GPA33: variants seen among roughly 807,000 people sequenced by gnomAD.
GPA33 encodes the protein glycoprotein A33, also known as cell surface A33 antigen.
A neutral mutation model predicts 35.6 loss-of-function variants in GPA33; 27 were observed. The observed-to-expected ratio is 0.76, with a 90% CI of 0.56 to 1.04. The LOEUF (loss-of-function observed/expected upper bound fraction) is 1.04, where lower values mean the gene tolerates loss of function less well. GPA33 is among the 50% of genes least tolerant of loss of function. The pLI, the probability that GPA33 is intolerant of heterozygous loss-of-function variation, is 0.00. For synonymous variants in GPA33, 176 were observed against 164.0 expected (o/e 1.07, Z -0.56); for missense variants, 428 against 411.9 (o/e 1.04, Z -0.34).
intron 1 of GPA33, among the ~76,000 whole-genome samples, chr1:167,087,317 GT>G (rs1667072730): frequency 6.6e-6 from 1 of 152,140 alleles, no homozygotes; most frequent in Non-Finnish European, 1.5e-5. Context: ...CATTTATTGA[GT>G]TGTTATTATG....
chr1:167,073,386 G>T lies in GPA33; in HGVS notation c.197C>A (p.Thr66Lys), dbSNP rs775151573. The part of the protein sequence containing the change: ...IQWDKLLLTH[T>K]ERVVIWPFSN... ...CCTGAACTTGTAAAGTATCCTTACCGTATGAGTGAGGAGGAGCTTATCCCA... is the reference window on the plus strand; with the variant it reads ...CCTGAACTTGTAAAGTATCCTTACCTTATGAGTGAGGAGGAGCTTATCCCA... Residue 66 changes from threonine (T) to lysine (K), a missense_variant and splice_region_variant, in exon 2 of 7, where the codon ACG (threonine) becomes AAG (lysine). Coordinates refer to ENST00000367868, the MANE Select transcript of GPA33 (RefSeq NM_005814.3). 1 of 1,612,566 alleles carries T rather than the reference G, an allele frequency of 6.2e-7. No individual in the cohort carries two copies. Among genetic ancestry groups the T allele is most frequent in the Non-Finnish European group, 8.5e-7 (1 of 1,178,662 alleles).
intron 1 of GPA33, among the ~76,000 whole-genome samples, chr1:167,081,963 A>G (rs1666958494): frequency 1.3e-5 from 2 of 152,212 alleles, no homozygotes; most frequent in Non-Finnish European, 2.9e-5. Flanking sequence ...CAGCATCCTA[A>G]TAGAGCCCAA....
At chr1:167,088,390 C>T (rs1667095445) in intron 1 of GPA33, among the ~76,000 whole-genome samples, 1 of 152,140 alleles carries the variant, frequency 6.6e-6, no homozygotes, top group African/African-American at 2.4e-5. Context: ...TGTTTATATA[C>T]CTCAAGTCGA....
intron 1 of GPA33, chr1:167,082,262 G>A (rs977230456): frequency 1.3e-5 from 6 of 456,146 alleles, no homozygotes; most frequent in Non-Finnish European, 2.2e-5. Flanking sequence ...TTCTGAGATC[G>A]TGGGGCAATC....
intron 1 of GPA33, chr1:167,078,661 C>T (rs928883357): frequency 1.3e-5 from 2 of 152,224 alleles, no homozygotes; most frequent in African/African-American, 4.8e-5. Context: ...AATCCCGGAG[C>T]GTGTACCGCT....
chr1:167,056,352 T>A (rs1224681580), intron 4 of GPA33, among the ~76,000 whole-genome samples: 1 of 152,148 alleles, frequency 6.6e-6, no homozygotes, highest in Non-Finnish European at 1.5e-5. Flanking sequence ...TAGACTCATA[T>A]GAAAGAAGCC....
At chr1:167,065,328 G>A (rs755166370) in intron 3 of GPA33, among the ~76,000 whole-genome samples, 1 of 152,190 alleles carries the variant, frequency 6.6e-6, no homozygotes, top group Non-Finnish European at 1.5e-5. Flanking sequence ...CGGAGAAAGA[G>A]GTGATGGTAC....
At chr1:167,089,802 G>A (rs757841376) in intron 1 of GPA33, among the ~76,000 whole-genome samples, 6 of 152,056 alleles carry the variant, frequency 3.9e-5, no homozygotes, top group Non-Finnish European at 7.4e-5. Context: ...TGAATGATAC[G>A]GGATAAGTTG....
At chr1:167,070,124 G>T (rs1017095491) in intron 2 of GPA33, among the ~76,000 whole-genome samples, 2 of 152,186 alleles carry the variant, frequency 1.3e-5, no homozygotes, top group Non-Finnish European at 2.9e-5. Flanking sequence ...AGGGCTGGGG[G>T]TATTGGGAGA....
chr1:167,075,678 A>T (rs1299716040), intron 1 of GPA33, among the ~76,000 whole-genome samples: 1 of 152,112 alleles, frequency 6.6e-6, no homozygotes, highest in African/African-American at 2.4e-5. Flanking sequence ...CAACTTTGGG[A>T]GTCACCGGCT....
At chr1:167,070,712 A>C (rs1666701225) in intron 2 of GPA33, among the ~76,000 whole-genome samples, 1 of 152,246 alleles carries the variant, frequency 6.6e-6, no homozygotes. Context: ...CCAGTTTAAC[A>C]ATTCAGGTAA....
At chr1:167,090,141 C>T in intron 1 of GPA33, 104 bp downstream of exon 1, 1 of 847,312 alleles carries the variant, frequency 1.2e-6, no homozygotes, top group East Asian at 2.5e-5. Context: ...AGCTGTGTTG[C>T]TGGAGGCCCT....
In GPA33 at chr1:167,055,077, C is replaced by T. The variant is rs750965272; in HGVS notation, c.726G>A (p.Ala242=). The T allele has an allele frequency of 4.0e-5, 65 of 1,613,570 alleles. 1 individual carries two copies. Among genetic ancestry groups the T allele is most frequent in the African/African-American group, 5.3e-5 (4 of 74,940 alleles). Reference sequence around the variant, plus strand: ...TAATGAGGGCTGCAACCACGCCCACCGCGATGCCCACATACAGGGCCACGT... The same window carrying T: ...TAATGAGGGCTGCAACCACGCCCACTGCGATGCCCACATACAGGGCCACGT... ...SMNVALYVGI[A]VGVVAALIII... The change falls in exon 6 of 7, where the codon GCG becomes GCA. Residue 242 remains alanine (A), a synonymous_variant. Coordinates refer to ENST00000367868, the MANE Select transcript of GPA33 (RefSeq NM_005814.3).
intron 4 of GPA33, among the ~76,000 whole-genome samples, chr1:167,058,755 AGTT>A (rs142827462): frequency 0.18 from 27,193 of 152,032 alleles, 2,749 homozygotes; most frequent in Non-Finnish European, 0.22. Context: ...TAAAAAAGCA[AGTT>A]TAGGAATCAC....
intron 4 of GPA33, among the ~76,000 whole-genome samples, chr1:167,060,192 C>T (rs1666405070): frequency 6.6e-6 from 1 of 152,204 alleles, no homozygotes; most frequent in Non-Finnish European, 1.5e-5. Context: ...CCCACCTCAG[C>T]CTCCCAAGTA....
chr1:167,064,154 C>T (rs570305041), intron 3 of GPA33, among the ~76,000 whole-genome samples: 93 of 152,130 alleles, frequency 6.1e-4, no homozygotes, highest in African/African-American at 2.2e-3. Flanking sequence ...CGTGGTGGCA[C>T]CCACCTATAA....
intron 1 of GPA33, among the ~76,000 whole-genome samples, chr1:167,083,216 C>G (rs1010232494): frequency 2.0e-5 from 3 of 152,222 alleles, no homozygotes; most frequent in African/African-American, 4.8e-5. Flanking sequence ...TCACTTTAAC[C>G]TGTGGAGTAA....
At chr1:167,057,508 G>A (rs891124458) in intron 4 of GPA33, among the ~76,000 whole-genome samples, 1 of 152,144 alleles carries the variant, frequency 6.6e-6, no homozygotes, top group Non-Finnish European at 1.5e-5. Context: ...CATTTCAGGG[G>A]CTGCCCAGCA....
intron 1 of GPA33, among the ~76,000 whole-genome samples, chr1:167,089,871 T>C (rs902852527): frequency 6.6e-6 from 1 of 152,112 alleles, no homozygotes; most frequent in Non-Finnish European, 1.5e-5. Flanking sequence ...CAAACGTTAA[T>C]ATACTAGATA....
Sources: allele counts gnomAD v4.1 joint callset (sites outside exome capture counted in the v4.1 genomes callset), GRCh38; gene constraint gnomAD v4.1.1; transcripts MANE v1.5; gene names NCBI Gene and HGNC (gene_info 2026-07-23, HGNC 2026-07-21).